NOTCH2: variants seen among roughly 807,000 people sequenced by gnomAD.
NOTCH2 encodes the protein notch receptor 2, also known as neurogenic locus notch homolog protein 2.
In NOTCH2, 29 loss-of-function variants were observed where a neutral mutation model predicts 235.8. The observed-to-expected ratio is 0.12, with a 90% CI of 0.09 to 0.17. The LOEUF is 0.17. Ranked by LOEUF, NOTCH2 falls within the 10% of genes least tolerant of loss-of-function variation. The pLI, the probability that NOTCH2 is intolerant of heterozygous loss-of-function variation, is 1.00. For synonymous variants in NOTCH2, 1,086 were observed against 1,141.5 expected (o/e 0.95, Z 0.98); for missense variants, 2,285 against 3,150.2 (o/e 0.73, Z 6.57).
At chr1:119,920,714 T>C (rs1649257372) in intron 29 of NOTCH2, among the ~76,000 whole-genome samples, 1 of 152,176 alleles carries the variant, frequency 6.6e-6, no homozygotes, top group Non-Finnish European at 1.5e-5. Flanking sequence ...TTCTTCTTGT[T>C]GGCCCTAAAA....
In NOTCH2 at chr1:119,931,672, A is replaced by AT. The variant is rs1474840152; in HGVS notation, c.3656-2461_3656-2460insA. Among the ~76,000 whole-genome samples, 5 of 152,194 alleles carry AT rather than the reference A, an allele frequency of 3.3e-5. No homozygotes were observed. The East Asian group carries it at 9.6e-4, about 29-fold the overall frequency. The stretch of plus-strand genomic sequence containing the variant: ...TGCCATCTCAAATCATTATATATAT[A>AT]AAAAACAAAATATTCAATAAATTGT... On this transcript the variant is annotated intron_variant, in intron 22 of 33. Coordinates refer to ENST00000256646, the MANE Select transcript of NOTCH2 (RefSeq NM_024408.4).
At chr1:119,952,495 G>C (rs1447205649) in intron 14 of NOTCH2, among the ~76,000 whole-genome samples, 1 of 152,210 alleles carries the variant, frequency 6.6e-6, no homozygotes, top group African/African-American at 2.4e-5. Context: ...ATGGGAGACA[G>C]TGACAGATCA....
At chr1:119,934,281 T>C (rs1649770998) in intron 22 of NOTCH2, among the ~76,000 whole-genome samples, 1 of 152,206 alleles carries the variant, frequency 6.6e-6, no homozygotes, top group Non-Finnish European at 1.5e-5. Flanking sequence ...GTGCTTCCTG[T>C]ACAGCCTATA....
Position 120,069,104 on chromosome 1 carries a change from G to A in NOTCH2, c.73+230C>T, listed in dbSNP as rs1253472820. The stretch of plus-strand genomic sequence containing the variant: ...CCCTCCTGCCGAGGAGGCGTGTAAG[G>A]GGTCCCGGGCCGCGGGGAGCAGAGG... On this transcript the variant is annotated intron_variant, in intron 1 of 33. Transcript: ENST00000256646. 91 of 1,514,896 alleles carry A rather than the reference G, an allele frequency of 6.0e-5. 3 individuals carry two copies. Among genetic ancestry groups the A allele is most frequent in the Non-Finnish European group, 7.1e-6 (8 of 1,133,528 alleles). The allele number at this position is 1,514,896 out of a possible 1,614,324, so 93.8% of individuals were successfully genotyped here.
At chr1:119,949,595 C>A (rs1650391310) in intron 15 of NOTCH2, among the ~76,000 whole-genome samples, 1 of 151,984 alleles carries the variant, frequency 6.6e-6, no homozygotes, top group African/African-American at 2.4e-5. Context: ...ACCATGTTAG[C>A]CAGGATGGCT....
chr1:119,919,705 T>G, intron 30 of NOTCH2, 92 bp from the exon 31 acceptor site: 6 of 1,260,088 alleles, frequency 4.8e-6, no homozygotes, highest in Middle Eastern at 2.1e-4. Flanking sequence ...AAGTTATTCT[T>G]AGGGGCAAAG....
rs368598255 is a variant in NOTCH2, at chr1:119,996,947, C to T, written c.751+50G>A. On this transcript the variant is annotated intron_variant, in intron 4 of 33. Transcript: ENST00000256646. Reference sequence around the variant, plus strand: ...GCAATTGAGCCACACCCACTACCTCCTGTGCTAGGGGTTTGTCCCCTAATC... The same window carrying T: ...GCAATTGAGCCACACCCACTACCTCTTGTGCTAGGGGTTTGTCCCCTAATC... 1,047 of 1,590,432 alleles carry T rather than the reference C, an allele frequency of 6.6e-4. 1 individual carries two copies. Among genetic ancestry groups the T allele is most frequent in the Non-Finnish European group, 8.2e-4 (948 of 1,161,106 alleles).
chr1:119,969,195 C>T (rs1410828121), intron 6 of NOTCH2, among the ~76,000 whole-genome samples: 1 of 152,202 alleles, frequency 6.6e-6, no homozygotes, highest in Admixed American at 6.5e-5. Flanking sequence ...GCCATTTTAT[C>T]TTAATAGCTG....
chr1:119,916,248 G>C lies in NOTCH2; in HGVS notation c.6474C>G (p.His2158Gln). 4 of 1,614,220 alleles carry C rather than the reference G, an allele frequency of 2.5e-6. No homozygotes were observed. Among genetic ancestry groups the C allele is most frequent in the Admixed American group, 1.7e-5 (1 of 60,030 alleles). ...AGGATGTGGTGTCGGAAACATACGTGTGAGGAGATTCTAGGGAATCAACAG... is the reference window on the plus strand; with the variant it reads ...AGGATGTGGTGTCGGAAACATACGTCTGAGGAGATTCTAGGGAATCAACAG... The part of the protein sequence containing the change: ...LSPVDSLESP[H>Q]TYVSDTTSSP... Residue 2158 changes from histidine to glutamine, a missense_variant, in exon 34 of 34, where the codon CAC (histidine) becomes CAG (glutamine). Physicochemically the swap from His to Gln is conservative, Grantham distance 24 (BLOSUM62 0). This residue lies in a region of NOTCH2 where 504 missense variants were observed against 538.0 expected (regional missense o/e 0.94). Coordinates refer to ENST00000256646, the MANE Select transcript of NOTCH2 (RefSeq NM_024408.4).
At chr1:120,014,778 G>T (rs1272111058) in intron 2 of NOTCH2, among the ~76,000 whole-genome samples, 5 of 117,714 alleles carry the variant, frequency 4.2e-5, no homozygotes, top group African/African-American at 1.6e-4. Flanking sequence ...GTTCTTTCAC[G>T]TTTCCTAAGT....
chr1:119,922,457 A>G lies in NOTCH2; in HGVS notation c.5003-11T>C, dbSNP rs370239268. On this transcript the variant is annotated splice_polypyrimidine_tract_variant and intron_variant, in intron 27 of 33. Transcript: ENST00000256646. The stretch of plus-strand genomic sequence containing the variant: ...GAGTCAGGGATTCACCTGAAAGTCC[A>G]CAGAGACAGGGAAAGTGCTGAATAA... 3.1e-6 allele frequency: 5 copies of G among 1,608,546 alleles called. No individual in the cohort carries two copies. Among genetic ancestry groups the G allele is most frequent in the African/African-American group, 2.7e-5 (2 of 74,822 alleles).
At chr1:119,972,363 G>C (rs1651397394) in intron 5 of NOTCH2, among the ~76,000 whole-genome samples, 4 of 152,150 alleles carry the variant, frequency 2.6e-5, no homozygotes, top group Admixed American at 1.3e-4. Flanking sequence ...AGTAGGTGAA[G>C]AGCTACTGCA....
rs1213789287 is a variant in NOTCH2, at chr1:119,913,238, C to G, written c.*2068G>C. 1 of 233,276 alleles carries G rather than the reference C, an allele frequency of 4.3e-6. No homozygotes were observed. The highest frequency in any genetic ancestry group is 1.8e-4 in the South Asian group (1 of 5,526). 14.5% of individuals were successfully genotyped at this position (233,276 alleles called of 1,614,324 possible). ...AAAGCAGAGAATGAACAAACTTAATCTGCTTATCTCAGGGCAGAAGTAATT... is the reference window on the plus strand; with the variant it reads ...AAAGCAGAGAATGAACAAACTTAATGTGCTTATCTCAGGGCAGAAGTAATT... On this transcript the variant is annotated 3_prime_UTR_variant, in exon 34 of 34. Coordinates refer to ENST00000256646, the MANE Select transcript of NOTCH2 (RefSeq NM_024408.4).
At chr1:120,069,177 G>A (rs1375484900) in intron 1 of NOTCH2, 157 bp downstream of exon 1, 3 of 1,527,598 alleles carry the variant, frequency 2.0e-6, no homozygotes, top group African/African-American at 2.8e-5. Flanking sequence ...AGGGGCCCCC[G>A]GCGATGTCCA....
chr1:119,974,998 T>A (rs1346591577), intron 5 of NOTCH2, among the ~76,000 whole-genome samples: 1 of 152,162 alleles, frequency 6.6e-6, no homozygotes, highest in Non-Finnish European at 1.5e-5. Flanking sequence ...ACATGCTCAT[T>A]TTACAGATGA....
intron 3 of NOTCH2, among the ~76,000 whole-genome samples, chr1:120,000,532 CAA>C (rs1183950511): frequency 1.1e-4 from 4 of 35,590 alleles, no homozygotes; most frequent in Non-Finnish European, 1.1e-4. Flanking sequence ...TACTCCATCT[CAA>C]AAAAAAAAAA....
chr1:119,983,287 A>G (rs1166926454), intron 5 of NOTCH2, among the ~76,000 whole-genome samples: 1 of 151,434 alleles, frequency 6.6e-6, no homozygotes, highest in Non-Finnish European at 1.5e-5. Context: ...CCAAGTGACC[A>G]GGACTACAGG....
intron 12 of NOTCH2, among the ~76,000 whole-genome samples, chr1:119,958,074 AGTT>A (rs1557821809): frequency 2.4e-4 from 36 of 152,338 alleles, no homozygotes; most frequent in African/African-American, 8.2e-4. Flanking sequence ...GCTCAAAATT[AGTT>A]CTTCATAAAT....
chr1:119,913,766 G>T lies in NOTCH2; in HGVS notation c.*1540C>A. 1 of 231,556 alleles carries T rather than the reference G, an allele frequency of 4.3e-6. No homozygotes were observed. Among genetic ancestry groups the T allele is most frequent in the Non-Finnish European group, 8.5e-6 (1 of 117,768 alleles). The allele number at this position is 231,556 out of a possible 1,614,324, so 14.3% of individuals were successfully genotyped here. A position where few individuals can be genotyped will look rare whatever the true frequency, so the allele number is the denominator to read the frequency against. On this transcript the variant is annotated 3_prime_UTR_variant, in exon 34 of 34. Transcript: ENST00000256646. ...CTAGGAAAGGAAAATGTTCTGTTGA[G>T]TTTCTACGTTAGTTGCCAAAGGGAA... is the stretch of plus-strand genomic sequence containing the variant.
Sources: allele counts gnomAD v4.1 joint callset (sites outside exome capture counted in the v4.1 genomes callset), GRCh38; gene constraint gnomAD v4.1.1; regional missense constraint gnomAD v4.1.1; transcripts MANE v1.5; gene names NCBI Gene and HGNC (gene_info 2026-07-23, HGNC 2026-07-21).